ZFAND3: variants seen among roughly 807,000 people sequenced by gnomAD.
ZFAND3 encodes the protein zinc finger AN1-type containing 3.
In ZFAND3, 10 loss-of-function variants were observed where a neutral mutation model predicts 29.6. The observed-to-expected ratio is 0.34, with a 90% CI of 0.21 to 0.57. ZFAND3 has a LOEUF of 0.57. ZFAND3 is among the 20% of genes least tolerant of loss of function. The pLI is 0.86. For synonymous variants in ZFAND3, 128 were observed against 112.6 expected, an observed-to-expected ratio of 1.14 and a Z score of -0.87; for missense variants, 230 against 304.5, an observed-to-expected ratio of 0.76 and a Z score of 1.82.
intron 2 of ZFAND3, among the ~76,000 whole-genome samples, chr6:38,053,873 C>G (rs6930859): frequency 0.37 from 56,540 of 151,650 alleles, 11,328 homozygotes; most frequent in East Asian, 0.58. Flanking sequence ...TAATTCCTGG[C>G]TTCTGACTAT....
In ZFAND3 at chr6:37,972,695, TA is replaced by T. The variant is rs1403937406; in HGVS notation, c.112+42698del. Among the ~76,000 whole-genome samples the T allele has an allele frequency of 1.4e-3, 212 of 148,348 alleles. 3 individuals are homozygous for T. Among genetic ancestry groups the T allele is most frequent in the African/African-American group, 4.2e-3 (174 of 40,958 alleles). On this transcript the variant is annotated intron_variant, in intron 2 of 5. Transcript: ENST00000287218. ...CCCTTTGTAAGGTTTTCAGGCCTAT[TA>T]ATTTTTTTTTTTTTTTTACACCATT...
rs544271501 is a variant in ZFAND3 at position 37,867,434 on chromosome 6, A to G, written c.71+47418A>G. Reference sequence around the variant, plus strand: ...GGTAGCGAATTAGAAATACATCTTCAAATTACCAATTTTTCTGCTGCATCT... The same window carrying G: ...GGTAGCGAATTAGAAATACATCTTCGAATTACCAATTTTTCTGCTGCATCT... On this transcript the variant is annotated intron_variant, in intron 1 of 5. Transcript: ENST00000287218. 1.2e-4 allele frequency among the ~76,000 whole-genome samples: 18 copies of G among 152,322 alleles called. No homozygotes were observed. In the South Asian group the frequency reaches 3.7e-3, roughly 32 times the overall value.
chr6:38,041,948 T>C (rs1372659065), intron 2 of ZFAND3, among the ~76,000 whole-genome samples: 1 of 149,752 alleles, frequency 6.7e-6, no homozygotes, highest in African/African-American at 2.5e-5. Context: ...GTGATTCTTG[T>C]GCCTCAGCCT....
chr6:38,115,516 A>C (rs1765398485), intron 4 of ZFAND3, among the ~76,000 whole-genome samples: 2 of 152,146 alleles, frequency 1.3e-5, no homozygotes, highest in Admixed American at 1.3e-4. Context: ...GAGCAGAGAG[A>C]CCAGTGAAGA....
At chr6:37,855,442 G>C (rs1764364680) in intron 1 of ZFAND3, among the ~76,000 whole-genome samples, 1 of 151,856 alleles carries the variant, frequency 6.6e-6, no homozygotes, top group Non-Finnish European at 1.5e-5. Context: ...ATGAGCCACT[G>C]CGCCTGGCAG....
intron 2 of ZFAND3, among the ~76,000 whole-genome samples, chr6:38,043,157 CTGA>C (rs1763824139): frequency 1.3e-5 from 2 of 152,048 alleles, no homozygotes; most frequent in South Asian, 4.1e-4. Context: ...GTAGTGCATG[CTGA>C]TATTTCCTTT....
chr6:38,144,522 G>T (rs1562016401), intron 5 of ZFAND3, among the ~76,000 whole-genome samples: 1 of 152,190 alleles, frequency 6.6e-6, no homozygotes, highest in Non-Finnish European at 1.5e-5. Context: ...AGGCTAGGGG[G>T]TGGTGAGCAG....
intron 2 of ZFAND3, among the ~76,000 whole-genome samples, chr6:38,011,472 G>T (rs1763152110): frequency 6.6e-6 from 1 of 152,150 alleles, no homozygotes; most frequent in Non-Finnish European, 1.5e-5. Flanking sequence ...AACACCTGGT[G>T]TTGTCAGTCT....
intron 1 of ZFAND3, among the ~76,000 whole-genome samples, chr6:37,888,813 A>G (rs892003052): frequency 6.6e-6 from 1 of 152,206 alleles, no homozygotes; most frequent in Non-Finnish European, 1.5e-5. Flanking sequence ...AAAAAATGCT[A>G]TTTCTACTAT....
chr6:38,151,509 C>T (rs200036633), intron 5 of ZFAND3, among the ~76,000 whole-genome samples: 15 of 138,030 alleles, frequency 1.1e-4, no homozygotes, highest in Non-Finnish European at 1.5e-4. Context: ...GCTGGGGGTC[C>T]GAGTGTGGGC....
intron 2 of ZFAND3, among the ~76,000 whole-genome samples, chr6:37,960,218 G>T (rs928254609): frequency 2.0e-5 from 3 of 152,148 alleles, no homozygotes; most frequent in Non-Finnish European, 4.4e-5. Flanking sequence ...ACACTGAGCT[G>T]GTCAGCTTTA....
intron 1 of ZFAND3, among the ~76,000 whole-genome samples, chr6:37,848,688 G>A (rs1311341718): frequency 6.6e-6 from 1 of 152,186 alleles, no homozygotes; most frequent in Non-Finnish European, 1.5e-5. Flanking sequence ...TGGAGAGAGA[G>A]CTGTCTCGCT....
intron 1 of ZFAND3, among the ~76,000 whole-genome samples, chr6:37,881,008 TAA>T (rs59495173): frequency 0.11 from 16,155 of 143,372 alleles, 1,023 homozygotes; most frequent in East Asian, 0.28. Flanking sequence ...ACTTAGAGTA[TAA>T]AAAAAAAAAA....
chr6:37,944,698 C>G (rs1761870839), intron 2 of ZFAND3, among the ~76,000 whole-genome samples: 1 of 152,148 alleles, frequency 6.6e-6, no homozygotes, highest in Non-Finnish European at 1.5e-5. Flanking sequence ...TAAGTAATGA[C>G]AATACTAAGT....
rs1018749768 is a variant in ZFAND3, at chr6:37,943,591, A to G, written c.112+13592A>G. On this transcript the variant is annotated intron_variant, in intron 2 of 5. Transcript: ENST00000287218. The stretch of plus-strand genomic sequence containing the variant: ...TTTTCATGCAGGTCCCAGGCTTCCA[A>G]TGGCAACTGAAAGCTGGGTTATTCA... 3.3e-5 allele frequency among the ~76,000 whole-genome samples: 5 copies of G among 152,164 alleles called. No homozygotes were observed. In the East Asian group the frequency reaches 7.7e-4, roughly 23 times the overall value.
intron 2 of ZFAND3, among the ~76,000 whole-genome samples, chr6:38,007,169 T>C (rs944159474): frequency 3.3e-5 from 5 of 152,192 alleles, no homozygotes; most frequent in Non-Finnish European, 7.3e-5. Flanking sequence ...TGTAACAATA[T>C]AGCATATATT....
intron 2 of ZFAND3, among the ~76,000 whole-genome samples, chr6:37,930,796 A>T (rs747252791): frequency 6.6e-6 from 1 of 152,188 alleles, no homozygotes; most frequent in Non-Finnish European, 1.5e-5. Context: ...GCTAATTAGG[A>T]TATGTTTAAC....
At chr6:38,007,090 C>T (rs1763064042) in intron 2 of ZFAND3, among the ~76,000 whole-genome samples, 1 of 152,058 alleles carries the variant, frequency 6.6e-6, no homozygotes, top group Non-Finnish European at 1.5e-5. Context: ...ATACACTTGC[C>T]AACTTTTATT....
intron 5 of ZFAND3, among the ~76,000 whole-genome samples, chr6:38,119,139 G>C (rs989367363): frequency 6.6e-6 from 1 of 152,142 alleles, no homozygotes; most frequent in Non-Finnish European, 1.5e-5. Context: ...TGAGTCGACT[G>C]TCACCCTTCA....
Sources: gnomAD v4.1 joint callset for allele counts (sites outside exome capture counted in the v4.1 genomes callset) on GRCh38, gnomAD v4.1.1 for gene constraint, MANE v1.5 for transcripts, NCBI Gene and HGNC (gene_info 2026-07-23, HGNC 2026-07-21) for gene names.